MAMDC2: variants seen among roughly 807,000 people sequenced by gnomAD.
The protein encoded by MAMDC2 is MAM domain containing 2, also known as MAM domain-containing protein 2.
Under a neutral mutation model 89.8 loss-of-function variants are expected in MAMDC2, and 57 were observed. That is an observed-to-expected ratio of 0.63 (90% CI 0.51 to 0.79). MAMDC2 has a LOEUF of 0.79. MAMDC2 is among the 30% of genes least tolerant of loss of function. MAMDC2 has a pLI of 0.00. For missense variants in MAMDC2, 800 were observed against 820.6 expected (o/e 0.97, Z 0.31); for synonymous variants, 313 against 293.4 (o/e 1.07, Z -0.68).
intron 5 of MAMDC2, among the ~76,000 whole-genome samples, chr9:70,116,492 T>A (rs1927108): frequency 6.6e-6 from 1 of 152,124 alleles, no homozygotes; most frequent in East Asian, 1.9e-4. Context: ...AAACCCTTAA[T>A]TTCTTAGTGT....
Position 70,044,586 on chromosome 9 carries a change from C to G in MAMDC2, c.37C>G (p.Leu13Val). The part of the protein sequence containing the change: ...LRGVLLALQA[L>V]QLAGALDLPA... ...TGAAACTCGCTTTGTGCCCGCAGCC[C>G]TGCAGCTCGCCGGTGCCCTCGACCT... The change falls in exon 2 of 14, where the codon CTG becomes GTG. Residue 13 changes from leucine to valine, a missense_variant and splice_region_variant. Leu to Val is a conservative substitution (Grantham distance 32). Transcript: ENST00000377182. The G allele has an allele frequency of 6.5e-7, 1 of 1,549,722 alleles. No individual in the cohort carries two copies. The highest frequency in any genetic ancestry group is 2.0e-5 in the Admixed American group (1 of 50,986).
chr9:70,203,014 G>C (rs1281068070), intron 11 of MAMDC2, among the ~76,000 whole-genome samples: 7 of 151,968 alleles, frequency 4.6e-5, no homozygotes, highest in Non-Finnish European at 1.5e-5. Context: ...TATCCAATTT[G>C]CCAGTCTGTG....
intron 2 of MAMDC2, chr9:70,087,240 T>C (rs1346320351): frequency 2.0e-5 from 3 of 152,124 alleles, no homozygotes; most frequent in African/African-American, 7.2e-5. Flanking sequence ...AAGTGAAAAA[T>C]ACTCTAATTC....
intron 12 of MAMDC2, among the ~76,000 whole-genome samples, chr9:70,222,172 G>A (rs1027893772): frequency 6.6e-6 from 1 of 152,160 alleles, no homozygotes; most frequent in Non-Finnish European, 1.5e-5. Flanking sequence ...TGACTCCAAA[G>A]CTTTTGGCAT....
intron 11 of MAMDC2, among the ~76,000 whole-genome samples, chr9:70,207,348 T>G (rs2033248565): frequency 6.6e-6 from 1 of 152,178 alleles, no homozygotes; most frequent in Admixed American, 6.5e-5. Flanking sequence ...GGTATCTCAT[T>G]GTGGTTTTGA....
intron 6 of MAMDC2, among the ~76,000 whole-genome samples, chr9:70,129,629 T>C (rs1239085793): frequency 6.6e-6 from 1 of 152,164 alleles, no homozygotes; most frequent in Non-Finnish European, 1.5e-5. Context: ...TGTCTGGCTG[T>C]GGAGTGGGGT....
intron 2 of MAMDC2, among the ~76,000 whole-genome samples, chr9:70,104,097 C>T (rs1263823980): frequency 6.6e-6 from 1 of 151,740 alleles, no homozygotes; most frequent in Non-Finnish European, 1.5e-5. Context: ...TATAACTCAA[C>T]AATAAAAAGA....
chr9:70,193,620 TAA>T (rs59763631), intron 11 of MAMDC2, among the ~76,000 whole-genome samples: 140,346 of 152,088 alleles, frequency 0.92, 64,834 homozygotes, highest in East Asian at 0.98. Flanking sequence ...TATAAGGCAA[TAA>T]AAAGTAATAC....
intron 11 of MAMDC2, among the ~76,000 whole-genome samples, chr9:70,179,044 T>C (rs567361405): frequency 2.0e-5 from 3 of 152,284 alleles, no homozygotes; most frequent in African/African-American, 7.2e-5. Context: ...TTTTAATATT[T>C]CCAAAGATTA....
chr9:70,048,028 T>C (rs2117965216), intron 2 of MAMDC2, among the ~76,000 whole-genome samples: 1 of 151,838 alleles, frequency 6.6e-6, no homozygotes, highest in Non-Finnish European at 1.5e-5. Context: ...TTTATCCCAA[T>C]GGCAGTTTCC....
At chr9:70,217,130 G>A in intron 11 of MAMDC2, 1 of 558,122 alleles carries the variant, frequency 1.8e-6, no homozygotes, top group Non-Finnish European at 3.2e-6. Flanking sequence ...AATTGGAAAG[G>A]CAATTTAAAA....
rs2032308085 is a variant in MAMDC2 at position 70,170,518 on chromosome 9, A to G, written c.1538A>G (p.Gln513Arg). ...PPPPGECTFEQDECTFTQEKR... is the reference protein window; with the variant it reads ...PPPPGECTFERDECTFTQEKR... ...CCACCTGGAGAGTGTACTTTCGAGC[A>G]AGATGAATGTACATTTACTCAGGAG... Residue 513 changes from glutamine (Q) to arginine (R), a missense_variant, in exon 11 of 14, where the codon CAA (glutamine) becomes CGA (arginine). Transcript: ENST00000377182. 1.9e-6 allele frequency: 3 copies of G among 1,612,570 alleles called. No individual in the cohort carries two copies. Among genetic ancestry groups the G allele is most frequent in the Non-Finnish European group, 2.5e-6 (3 of 1,179,740 alleles).
chr9:70,141,464 A>T (rs756648804), intron 8 of MAMDC2, among the ~76,000 whole-genome samples: 1 of 152,208 alleles, frequency 6.6e-6, no homozygotes, highest in Non-Finnish European at 1.5e-5. Flanking sequence ...GGCAAGAGAA[A>T]CATTAGACAA....
intron 11 of MAMDC2, among the ~76,000 whole-genome samples, chr9:70,205,607 A>AAC (rs1376627670): frequency 2.0e-5 from 3 of 152,206 alleles, no homozygotes; most frequent in African/African-American, 7.2e-5. Flanking sequence ...TGTGTGTCTC[A>AAC]ACACATCACA....
Position 70,126,224 on chromosome 9 carries a change from C to T in MAMDC2, c.709C>T (p.Pro237Ser). 1 of 1,614,120 alleles carries T rather than the reference C, an allele frequency of 6.2e-7. No homozygotes were observed. The highest frequency in any genetic ancestry group is 8.5e-7 in the Non-Finnish European group (1 of 1,180,016). The change falls in exon 6 of 14, where the codon CCG becomes TCG. Residue 237 changes from proline to serine, a missense_variant. Transcript: ENST00000377182. ...CCAGGAGGTGGCACAGCTCATCTCC[C>T]CGTTGACCACGGCCCCCATGGCTGG... ...HFQEVAQLIS[P>S]LTTAPMAGCL...
Position 70,111,984 on chromosome 9 carries a change from G to A in MAMDC2, c.506-1011G>A, listed in dbSNP as rs73647408. 2.9e-3 allele frequency among the ~76,000 whole-genome samples: 447 copies of A among 152,308 alleles called. 1 individual carries two copies. Among genetic ancestry groups the A allele is most frequent in the African/African-American group, 0.01 (425 of 41,574 alleles). ...TTGACAAGACTTGCCAACTCATGGC[G>A]ACCTGGCTGGGAGACTGCTGGGCAA... On this transcript the variant is annotated intron_variant, in intron 4 of 13. Transcript: ENST00000377182.
rs2031304434 is a variant in MAMDC2, at chr9:70,143,744, C to T, written c.1329C>T (p.Ile443=). 2 of 1,614,146 alleles carry T rather than the reference C, an allele frequency of 1.2e-6. No homozygotes were observed. Among genetic ancestry groups the T allele is most frequent in the Non-Finnish European group, 1.7e-6 (2 of 1,180,010 alleles). The change falls in exon 9 of 14, where the codon ATC becomes ATT. Residue 443 remains isoleucine (I), a synonymous_variant. Coordinates refer to ENST00000377182, the MANE Select transcript of MAMDC2 (RefSeq NM_153267.5). ...AGAACCATGTGGTTCAAGAGAAGAT[C>T]TGGTCTGTGTTGGAGTCCCCAAGGG... ...FEENHVVQEK[I]WSVLESPRGV...
intron 7 of MAMDC2, 52 bp from the exon 8 acceptor site, chr9:70,140,093 A>G (rs1352276717): frequency 1.3e-5 from 19 of 1,497,084 alleles, no homozygotes; most frequent in Non-Finnish European, 1.5e-5. Context: ...CAGTTGATGT[A>G]GTCCTTTGAG....
At chr9:70,160,754 G>C (rs575178214) in intron 9 of MAMDC2, among the ~76,000 whole-genome samples, 130 of 152,264 alleles carry the variant, frequency 8.5e-4, no homozygotes, top group African/African-American at 3.1e-3. Flanking sequence ...TACTATGGCT[G>C]GTTCGACATT....
Sources: gnomAD v4.1 joint callset for allele counts (sites outside exome capture counted in the v4.1 genomes callset) on GRCh38, gnomAD v4.1.1 for gene constraint, MANE v1.5 for transcripts, NCBI Gene and HGNC (gene_info 2026-07-23, HGNC 2026-07-21) for gene names.